The following KCNQ1OT1 variants were observed in gnomAD, a reference collection of about 807,000 sequenced individuals.
KCNQ1OT1 encodes the protein KCNQ1 opposite strand/antisense transcript 1, also known as KCNQ1 antisense RNA 2 (non-protein coding).
chr11:2,608,644 T>G lies in KCNQ1OT1; in HGVS notation n.91351A>C. ...ACCAGCTGTTATTCAAAAAATATTT[T>G]GTAGAGATAGGGTCTTGCTTTGTTG... On this transcript the variant is annotated non_coding_transcript_exon_variant, in exon 1 of 1. Coordinates refer to ENST00000597346, the Ensembl canonical transcript of KCNQ1OT1. This position sits in a 1 kb window ranked among gnomAD's most constrained non-coding sequence, Gnocchi z 4.6. The G allele has an allele frequency of 7.5e-6, 3 of 398,564 alleles. No individual in the cohort carries two copies. Among genetic ancestry groups the G allele is most frequent in the Admixed American group, 8.8e-5 (2 of 22,722 alleles). 24.7% of individuals were successfully genotyped at this position (398,564 alleles called of 1,614,324 possible). A position where few individuals can be genotyped will look rare whatever the true frequency, so the allele number is the denominator to read the frequency against.
At chr11:2,639,113 G>A (rs902586970) in exon 1 of KCNQ1OT1, 5 of 152,092 alleles carry the variant, frequency 3.3e-5, no homozygotes, top group East Asian at 1.9e-4. Flanking sequence ...TTAGCCATTC[G>A]TCTAATCTTT....
At chr11:2,615,607 C>A (rs556431046) in exon 1 of KCNQ1OT1, 3 of 397,904 alleles carry the variant, frequency 7.5e-6, no homozygotes, top group South Asian at 2.6e-4. Context: ...AGAATTTTGT[C>A]AAATGCTTGT....
exon 1 of KCNQ1OT1, chr11:2,636,592 T>C (rs1236585903): frequency 1.3e-5 from 2 of 152,074 alleles, no homozygotes; most frequent in Non-Finnish European, 2.9e-5. Context: ...TTTGCCAGTA[T>C]TTTATTGAGG....
exon 1 of KCNQ1OT1, chr11:2,696,127 A>G (rs191652037): frequency 1.1e-3 from 436 of 398,628 alleles, no homozygotes; most frequent in African/African-American, 7.6e-3. Flanking sequence ...AATGCATTCA[A>G]GTTCATACAT....
chr11:2,629,130 A>T (rs1287682003), exon 1 of KCNQ1OT1: 2 of 398,110 alleles, frequency 5.0e-6, no homozygotes, highest in African/African-American at 4.1e-5. Context: ...CTGTGAAAAA[A>T]AGTCACTGGA....
exon 1 of KCNQ1OT1, chr11:2,648,638 C>T (rs1849704318): frequency 5.0e-6 from 2 of 398,340 alleles, no homozygotes; most frequent in African/African-American, 4.1e-5. Context: ...TGAGAAGATA[C>T]TTGATAAGAT....
At chr11:2,696,210 C>A in exon 1 of KCNQ1OT1, 1 of 398,622 alleles carries the variant, frequency 2.5e-6, no homozygotes, top group South Asian at 1.3e-4. Flanking sequence ...GGAGATTATT[C>A]ATTTTTTCTC....
At chr11:2,640,398 T>C in exon 1 of KCNQ1OT1, 1 of 398,628 alleles carries the variant, frequency 2.5e-6, no homozygotes, top group Non-Finnish European at 4.4e-6. Context: ...TCATTCTCCA[T>C]CCTTGACCCC....
exon 1 of KCNQ1OT1, chr11:2,684,997 C>A: frequency 2.5e-6 from 1 of 398,666 alleles, no homozygotes; most frequent in South Asian, 1.3e-4. Flanking sequence ...GGTTGCTTTT[C>A]ATTCATATCT....
chr11:2,644,065 G>A (rs1478302612), exon 1 of KCNQ1OT1: 5 of 398,374 alleles, frequency 1.3e-5, no homozygotes, highest in Non-Finnish European at 2.2e-5. Context: ...TTGCTATAAT[G>A]TGCTGTGGAA....
In KCNQ1OT1 at chr11:2,651,260, C is replaced by T. The variant is rs1849752414; in HGVS notation, n.48735G>A. The stretch of plus-strand genomic sequence containing the variant: ...AGCTTAATTCAGGAATTAAGCTGTG[C>T]TGGTCACTTATTGAGAAAGAGCTTC... On this transcript the variant is annotated non_coding_transcript_exon_variant, in exon 1 of 1. Coordinates refer to ENST00000597346, the Ensembl canonical transcript of KCNQ1OT1. This position sits in a 1 kb window ranked among gnomAD's most constrained non-coding sequence, Gnocchi z 6.1. The T allele has an allele frequency of 2.5e-6, 1 of 398,516 alleles. No individual in the cohort carries two copies. The highest frequency in any genetic ancestry group is 2.1e-5 in the African/African-American group (1 of 48,640). 24.7% of individuals were successfully genotyped at this position (398,516 alleles called of 1,614,324 possible). A position where few individuals can be genotyped will look rare whatever the true frequency, so the allele number is the denominator to read the frequency against.
In KCNQ1OT1 at chr11:2,645,171, TG is replaced by T. The variant is rs1849647749; in HGVS notation, n.54823del. The T allele has an allele frequency of 5.0e-6, 2 of 398,616 alleles. No individual in the cohort carries two copies. The highest frequency in any genetic ancestry group is 7.1e-5 in the East Asian group (2 of 28,070). 24.7% of individuals were successfully genotyped at this position (398,616 alleles called of 1,614,324 possible). Reference sequence around the variant, plus strand: ...CTTCTGCCTCCCAAGGTGTCCATGCTGGTATTGGGATGGCTGGGATAAGCTG... The same window carrying T: ...CTTCTGCCTCCCAAGGTGTCCATGCTGTATTGGGATGGCTGGGATAAGCTG... On this transcript the variant is annotated non_coding_transcript_exon_variant, in exon 1 of 1. Coordinates refer to ENST00000597346, the Ensembl canonical transcript of KCNQ1OT1. This position sits in a 1 kb window ranked among gnomAD's most constrained non-coding sequence, Gnocchi z 5.8.
exon 1 of KCNQ1OT1, chr11:2,631,458 A>C (rs1201779763): frequency 5.0e-6 from 2 of 397,734 alleles, no homozygotes; most frequent in Non-Finnish European, 8.9e-6. Flanking sequence ...TTCTTTATTG[A>C]ATGTCTCCTT....
chr11:2,662,011 AC>A lies in KCNQ1OT1; in HGVS notation n.37983del, dbSNP rs794728558. 2 of 1,614,150 alleles carry A rather than the reference AC, an allele frequency of 1.2e-6. No individual in the cohort carries two copies. The highest frequency in any genetic ancestry group is 3.3e-5 in the Admixed American group (2 of 60,026). On this transcript the variant is annotated non_coding_transcript_exon_variant, in exon 1 of 1. Coordinates refer to ENST00000597346, the Ensembl canonical transcript of KCNQ1OT1. ...AGTGAGCATGCCCCATTTCATGAGA[AC>A]CAACAGCTTCGCCGAGGACCTGGAC...
exon 1 of KCNQ1OT1, chr11:2,631,912 G>A: frequency 2.5e-6 from 1 of 397,788 alleles, no homozygotes; most frequent in East Asian, 3.6e-5. Flanking sequence ...GCTGGGCGCA[G>A]TGGCTCACGC....
chr11:2,666,315 C>A, exon 1 of KCNQ1OT1: 1 of 398,652 alleles, frequency 2.5e-6, no homozygotes, highest in Non-Finnish European at 4.4e-6. Flanking sequence ...CTGCAGAGAC[C>A]CCCACCAGGT....
chr11:2,696,437 T>C lies in KCNQ1OT1; in HGVS notation n.3558A>G, dbSNP rs555796253. Reference sequence around the variant, plus strand: ...TTGGAGTTACCTCTGAGCTCTCTTCTGGGCCTCTGTCACCACACCGCTCTG... The same window carrying C: ...TTGGAGTTACCTCTGAGCTCTCTTCCGGGCCTCTGTCACCACACCGCTCTG... On this transcript the variant is annotated non_coding_transcript_exon_variant, in exon 1 of 1. Coordinates refer to ENST00000597346, the Ensembl canonical transcript of KCNQ1OT1. The C allele has an allele frequency of 3.1e-4, 125 of 398,706 alleles. 2 individuals carry two copies. The South Asian group carries it at 0.012, about 38-fold the overall frequency. The allele number at this position is 398,706 out of a possible 1,614,324, so 24.7% of individuals were successfully genotyped here. A position where few individuals can be genotyped will look rare whatever the true frequency, so the allele number is the denominator to read the frequency against.
exon 1 of KCNQ1OT1, chr11:2,637,491 G>A (rs1409136579): frequency 6.6e-6 from 1 of 152,236 alleles, no homozygotes. Flanking sequence ...TCGTTGAGCG[G>A]TTTTGAGTGA....
exon 1 of KCNQ1OT1, chr11:2,638,971 C>G (rs1206502401): frequency 6.6e-6 from 1 of 152,222 alleles, no homozygotes; most frequent in Non-Finnish European, 1.5e-5. Flanking sequence ...ATTTGATCTT[C>G]AATCACCGAT....
Sources: allele counts gnomAD v4.1 joint callset, GRCh38; gene constraint gnomAD v4.1.1; non-coding constraint Gnocchi (gnomAD v3.1); transcripts MANE v1.5; gene names NCBI Gene and HGNC (gene_info 2026-07-23, HGNC 2026-07-21).